Variants in TNIK observed in about 807,000 individuals in gnomAD.
TNIK encodes the protein TRAF2 and NCK-interacting protein kinase.
In TNIK, 49 loss-of-function variants were observed where a neutral mutation model predicts 191.3. That is an observed-to-expected ratio of 0.26 (90% CI 0.20 to 0.32). The LOEUF (loss-of-function observed/expected upper bound fraction) is 0.32. TNIK is among the 10% of genes least tolerant of loss of function. The pLI is 1.00. For synonymous variants in TNIK, 594 were observed against 600.9 expected (o/e 0.99, Z 0.17); for missense variants, 1,155 against 1,702.3 (o/e 0.68, Z 5.66).
At chr3:171,382,121 ATTTATG>A (rs1450468994) in intron 1 of TNIK, among the ~76,000 whole-genome samples, 1 of 151,140 alleles carries the variant, frequency 6.6e-6, no homozygotes, top group Non-Finnish European at 1.5e-5. Context: ...ATTTTTATTC[ATTTATG>A]TTTAACTAAC....
At chr3:171,156,461 G>A (rs1353520211) in intron 12 of TNIK, among the ~76,000 whole-genome samples, 2 of 152,236 alleles carry the variant, frequency 1.3e-5, no homozygotes, top group East Asian at 3.8e-4. Flanking sequence ...GCAAGCTGGT[G>A]TTCGGGAAAC....
At chr3:171,267,904 T>C (rs1300929223) in intron 2 of TNIK, among the ~76,000 whole-genome samples, 4 of 152,156 alleles carry the variant, frequency 2.6e-5, no homozygotes, top group Non-Finnish European at 5.9e-5. Context: ...TTCAACAATA[T>C]TCAAGAAAGA....
intron 32 of TNIK, among the ~76,000 whole-genome samples, chr3:171,065,714 G>A (rs1395964789): frequency 6.6e-6 from 1 of 152,176 alleles, no homozygotes; most frequent in African/African-American, 2.4e-5. Context: ...GTTTGTGATT[G>A]TGCATTCCTT....
chr3:171,288,563 T>C (rs1007433965), intron 2 of TNIK, among the ~76,000 whole-genome samples: 4 of 151,814 alleles, frequency 2.6e-5, no homozygotes, highest in South Asian at 2.1e-4. Flanking sequence ...AATCCCAGCA[T>C]TTTGGGAGGC....
intron 9 of TNIK, among the ~76,000 whole-genome samples, chr3:171,169,264 A>G (rs1410833545): frequency 6.6e-6 from 1 of 151,756 alleles, no homozygotes; most frequent in Non-Finnish European, 1.5e-5. Context: ...TGCTTATTTT[A>G]TTATCATTAT....
chr3:171,087,718 G>A (rs1009994187), intron 23 of TNIK, among the ~76,000 whole-genome samples: 1 of 152,206 alleles, frequency 6.6e-6, no homozygotes, highest in African/African-American at 2.4e-5. Flanking sequence ...GAAGCCTTAC[G>A]TTCCTGCATG....
chr3:171,375,026 C>T (rs1488174056), intron 1 of TNIK, among the ~76,000 whole-genome samples: 1 of 152,160 alleles, frequency 6.6e-6, no homozygotes, highest in African/African-American at 2.4e-5. Flanking sequence ...TATATCATAG[C>T]TTCATGGAAC....
At chr3:171,395,088 T>G (rs1205861418) in intron 1 of TNIK, among the ~76,000 whole-genome samples, 3 of 152,068 alleles carry the variant, frequency 2.0e-5, no homozygotes, top group African/African-American at 7.3e-5. Context: ...ACGATTGAGA[T>G]TCTCAACTGG....
At position 171,220,178 on chromosome 3, in the gene TNIK, C is replaced by T. The variant is rs576848063; in HGVS notation, c.180+7987G>A. Among the ~76,000 whole-genome samples the T allele has an allele frequency of 2.8e-4, 43 of 152,036 alleles. 1 individual carries two copies. The South Asian group carries it at 8.5e-3, about 30-fold the overall frequency. ...AACACTGCATGATCTCACTCATAAG[C>T]GGGAGTTGAACAATGAGAACGCAAG... On this transcript the variant is annotated intron_variant, in intron 3 of 32. Transcript: ENST00000436636.
intron 1 of TNIK, among the ~76,000 whole-genome samples, chr3:171,406,116 T>C (rs1721635245): frequency 6.6e-6 from 1 of 152,036 alleles, no homozygotes; most frequent in Admixed American, 6.6e-5. Context: ...CAAACACATG[T>C]TGAGTTAATA....
intron 1 of TNIK, among the ~76,000 whole-genome samples, chr3:171,435,196 G>A (rs910524686): frequency 6.6e-6 from 1 of 152,208 alleles, no homozygotes; most frequent in African/African-American, 2.4e-5. Flanking sequence ...GTAAAAGAAA[G>A]GAAAGCCTTC....
At chr3:171,133,042 G>A (rs555683733) in intron 15 of TNIK, among the ~76,000 whole-genome samples, 26 of 152,254 alleles carry the variant, frequency 1.7e-4, no homozygotes, top group Admixed American at 5.9e-4. Context: ...GAGTAATATC[G>A]TTGGGCAAAA....
intron 21 of TNIK, among the ~76,000 whole-genome samples, chr3:171,105,983 T>TA (rs1724787595): frequency 2.0e-5 from 3 of 152,168 alleles, no homozygotes; most frequent in Admixed American, 2.0e-4. Context: ...CTCTTCCCTT[T>TA]CTATAAATGC....
At chr3:171,416,832 C>A (rs140263770) in intron 1 of TNIK, among the ~76,000 whole-genome samples, 137 of 152,302 alleles carry the variant, frequency 9.0e-4, no homozygotes, top group African/African-American at 3.2e-3. Context: ...CTATTATTCT[C>A]TCTCTTTCTT....
At chr3:171,164,251 C>A (rs1293988020) in intron 10 of TNIK, among the ~76,000 whole-genome samples, 1 of 152,188 alleles carries the variant, frequency 6.6e-6, no homozygotes, top group Non-Finnish European at 1.5e-5. Context: ...GAGTCACATT[C>A]CAGAGTTTGT....
intron 12 of TNIK, among the ~76,000 whole-genome samples, chr3:171,147,926 T>G (rs1340736587): frequency 2.6e-5 from 4 of 152,214 alleles, no homozygotes; most frequent in Non-Finnish European, 5.9e-5. Flanking sequence ...TAATGCTTTT[T>G]AAAGTTGCCA....
rs755583733 is a variant in TNIK, at chr3:171,066,167, A to C, written c.3999+20T>G. ...TCTCTTAAAATGCAAACACTAATGC[A>C]AATGTTGAAACGGATTTACCTTATC... On this transcript the variant is annotated intron_variant, in intron 32 of 32. Transcript: ENST00000436636. The C allele has an allele frequency of 6.2e-7, 1 of 1,611,606 alleles. No homozygotes were observed. The highest frequency in any genetic ancestry group is 8.5e-7 in the Non-Finnish European group (1 of 1,179,734).
intron 19 of TNIK, among the ~76,000 whole-genome samples, chr3:171,110,121 A>G (rs73037398): frequency 0.018 from 2,762 of 152,194 alleles, 81 homozygotes; most frequent in African/African-American, 0.056. Flanking sequence ...AGTCAGGCTG[A>G]TCTTGGAACT....
At chr3:171,329,587 T>C (rs2108361348) in intron 2 of TNIK, among the ~76,000 whole-genome samples, 1 of 152,292 alleles carries the variant, frequency 6.6e-6, no homozygotes, top group East Asian at 1.9e-4. Context: ...CCTAAGCACA[T>C]AGTGTGCCCC....
Sources: gnomAD v4.1 joint callset for allele counts (sites outside exome capture counted in the v4.1 genomes callset) on GRCh38, gnomAD v4.1.1 for gene constraint, MANE v1.5 for transcripts, NCBI Gene and HGNC (gene_info 2026-07-23, HGNC 2026-07-21) for gene names.